Variants in TNFSF11 observed in about 807,000 individuals in gnomAD.
TNFSF11 encodes the protein tumor necrosis factor ligand superfamily member 11.
A neutral mutation model predicts 32.2 loss-of-function variants in TNFSF11; 12 were observed. The ratio of observed to expected loss-of-function variants is 0.37; its 90% CI spans 0.24 to 0.60. The LOEUF (loss-of-function observed/expected upper bound fraction) is 0.60. TNFSF11 is among the 20% of genes least tolerant of loss of function. The pLI is 0.66. For missense variants in TNFSF11, 345 were observed against 398.0 expected, an observed-to-expected ratio of 0.87 and a Z score of 1.13; for synonymous variants, 172 against 152.1, an observed-to-expected ratio of 1.13 and a Z score of -0.96.
chr13:42,600,913 C>T lies in TNFSF11; in HGVS notation c.464C>T (p.Ala155Val), dbSNP rs1160235545. 6.2e-7 allele frequency: 1 copy of T among 1,614,056 alleles called. No individual in the cohort carries two copies. The part of the protein sequence containing the change: ...AMVDGSWLDL[A>V]KRSKLEAQPF... The stretch of plus-strand genomic sequence containing the variant: ...GTGGATGGCTCATGGTTAGATCTGG[C>T]CAAGAGGAGCAAGCTTGAAGCTCAG... The change falls in exon 4 of 5, where the codon GCC (alanine) becomes GTC (valine). Residue 155 changes from alanine (A) to valine (V), a missense_variant. Physicochemically the swap from Ala to Val is moderately conservative, Grantham distance 64 (BLOSUM62 0). This residue lies in a region of TNFSF11 where 148 missense variants were observed against 216.0 expected (regional missense o/e 0.69). Transcript: ENST00000398795.
chr13:42,574,867 T>TTGAA (rs879817726), intron 1 of TNFSF11, among the ~76,000 whole-genome samples: 25 of 152,368 alleles, frequency 1.6e-4, no homozygotes, highest in Non-Finnish European at 3.1e-4. Context: ...TTTTTCTCCC[T>TTGAA]GTCATTTCTC....
At chr13:42,603,853 G>C (rs112013107) in intron 4 of TNFSF11, among the ~76,000 whole-genome samples, 2,583 of 152,302 alleles carry the variant, frequency 0.017, 64 homozygotes, top group African/African-American at 0.058. Flanking sequence ...ATTACGGGCA[G>C]ACTGCCTGTT....
chr13:42,570,540 C>A (rs948387914), upstream of TNFSF11, among the ~76,000 whole-genome samples: 1 of 152,170 alleles, frequency 6.6e-6, no homozygotes, highest in African/African-American at 2.4e-5. Flanking sequence ...GTCTTGGCAT[C>A]TCTTAATACC....
chr13:42,575,775 T>G (rs1873279987), intron 1 of TNFSF11, among the ~76,000 whole-genome samples: 1 of 152,262 alleles, frequency 6.6e-6, no homozygotes, highest in Non-Finnish European at 1.5e-5. Flanking sequence ...GAGAGTTTTG[T>G]TGTTTCTAAA....
Position 42,594,948 on chromosome 13 carries a change from TA to T in TNFSF11, c.388-5793del, listed in dbSNP as rs199733541. Among the ~76,000 whole-genome samples the T allele has an allele frequency of 2.6e-4, 37 of 139,796 alleles. No individual in the cohort carries two copies. In the South Asian group the frequency reaches 6.4e-3, roughly 24 times the overall value. The allele number at this position is 139,796 out of a possible 152,430, so 91.7% of individuals were successfully genotyped here. ...TATGAGTTAAATAGAAGTTGAAATT[TA>T]AAAAAAAAAATCACATTGGTTGTTT... On this transcript the variant is annotated intron_variant, in intron 2 of 4. Coordinates refer to ENST00000398795, the MANE Select transcript of TNFSF11 (RefSeq NM_003701.4).
intron 2 of TNFSF11, among the ~76,000 whole-genome samples, chr13:42,568,085 G>C (rs1035067835): frequency 6.6e-6 from 1 of 152,190 alleles, no homozygotes; most frequent in Non-Finnish European, 1.5e-5. Context: ...ATGCACATTT[G>C]AGTGACTTCC....
At chr13:42,583,817 T>G (rs1873753590) in intron 2 of TNFSF11, among the ~76,000 whole-genome samples, 1 of 152,080 alleles carries the variant, frequency 6.6e-6, no homozygotes, top group Admixed American at 6.5e-5. Context: ...AGGTGCCAGC[T>G]AATGTAATTA....
chr13:42,570,250 C>T (rs1013581598), upstream of TNFSF11, among the ~76,000 whole-genome samples: 26 of 152,172 alleles, frequency 1.7e-4, no homozygotes, highest in African/African-American at 5.5e-4. Flanking sequence ...ATATCTCTCC[C>T]TCCTCTCAGC....
chr13:42,605,407 A>G (rs1313724133), intron 4 of TNFSF11, among the ~76,000 whole-genome samples: 1 of 152,256 alleles, frequency 6.6e-6, no homozygotes, highest in Non-Finnish European at 1.5e-5. Context: ...CCACAGTATT[A>G]CAACTTTCCC....
At chr13:42,594,793 T>C (rs1463818835) in intron 2 of TNFSF11, among the ~76,000 whole-genome samples, 1 of 152,226 alleles carries the variant, frequency 6.6e-6, no homozygotes, top group Non-Finnish European at 1.5e-5. Flanking sequence ...ACAGCCAGGC[T>C]CCTGGGAATT....
intron 2 of TNFSF11, among the ~76,000 whole-genome samples, chr13:42,597,340 CTTTTTTT>C (rs774612741): frequency 8.0e-6 from 1 of 125,760 alleles, no homozygotes; most frequent in African/African-American, 2.9e-5. Context: ...GCCTTTTGTT[CTTTTTTT>C]TTTTTTTTTT....
upstream of TNFSF11, among the ~76,000 whole-genome samples, chr13:42,570,859 T>C (rs563078115): frequency 1.5e-4 from 23 of 152,344 alleles, no homozygotes; most frequent in African/African-American, 4.6e-4. Context: ...CACATTTGCA[T>C]TGTACTAAGA....
chr13:42,591,036 G>A (rs1019139346), intron 2 of TNFSF11, among the ~76,000 whole-genome samples: 1 of 152,140 alleles, frequency 6.6e-6, no homozygotes, highest in Non-Finnish European at 1.5e-5. Context: ...TTGGGGTTTG[G>A]GGAGGAGGCC....
At chr13:42,599,452 A>G (rs1297904225) in intron 2 of TNFSF11, among the ~76,000 whole-genome samples, 1 of 151,874 alleles carries the variant, frequency 6.6e-6, no homozygotes, top group African/African-American at 2.4e-5. Flanking sequence ...TCTTTCAAAC[A>G]CCGTGGGGAG....
At chr13:42,596,098 G>A (rs1369464715) in intron 2 of TNFSF11, among the ~76,000 whole-genome samples, 1 of 152,214 alleles carries the variant, frequency 6.6e-6, no homozygotes, top group African/African-American at 2.4e-5. Context: ...AAAGGTCTGT[G>A]TTTGGCATGT....
chr13:42,585,189 C>T (rs1369108823), intron 2 of TNFSF11, among the ~76,000 whole-genome samples: 3 of 152,200 alleles, frequency 2.0e-5, no homozygotes, highest in African/African-American at 7.2e-5. Flanking sequence ...TTTCTCATTT[C>T]TCTTGCCAAT....
chr13:42,576,452 C>G (rs1200334381), intron 1 of TNFSF11, among the ~76,000 whole-genome samples: 1 of 151,852 alleles, frequency 6.6e-6, no homozygotes, highest in East Asian at 1.9e-4. Flanking sequence ...ATTCAGAACC[C>G]CTTTTCAAAG....
intron 2 of TNFSF11, among the ~76,000 whole-genome samples, chr13:42,588,543 G>A (rs1321101644): frequency 6.6e-6 from 1 of 152,206 alleles, no homozygotes; most frequent in Non-Finnish European, 1.5e-5. Context: ...GAGCATGACA[G>A]CAAGGGATAG....
intron 4 of TNFSF11, 148 bp from the exon 5 acceptor site, chr13:42,606,349 C>A (rs1022164348): frequency 3.1e-6 from 3 of 967,730 alleles, no homozygotes; most frequent in African/African-American, 1.6e-5. Context: ...ATGTATTCTC[C>A]CCTTCTAGAA....
Sources: gnomAD v4.1 joint callset for allele counts (sites outside exome capture counted in the v4.1 genomes callset) on GRCh38, gnomAD v4.1.1 for gene constraint, gnomAD v4.1.1 regional missense constraint, MANE v1.5 for transcripts, NCBI Gene and HGNC (gene_info 2026-07-23, HGNC 2026-07-21) for gene names.